Variants in KCND3 observed in about 807,000 individuals in gnomAD.
KCND3 encodes the protein potassium voltage-gated channel subfamily D member 3, also known as A-type voltage-gated potassium channel KCND3.
A neutral mutation model predicts 51.1 loss-of-function variants in KCND3; 9 were observed. That is an observed-to-expected ratio of 0.18 (90% CI 0.11 to 0.31). The LOEUF (loss-of-function observed/expected upper bound fraction) is 0.31, where lower values mean the gene tolerates loss of function less well. KCND3 is among the 10% of genes least tolerant of loss of function. KCND3 has a pLI of 1.00. For missense variants in KCND3, 526 were observed against 903.8 expected (o/e 0.58, Z 5.36); for synonymous variants, 349 against 368.0 (o/e 0.95, Z 0.59).
intron 1 of KCND3, among the ~76,000 whole-genome samples, chr1:111,984,002 C>T (rs933327690): frequency 2.6e-4 from 39 of 152,200 alleles, no homozygotes; most frequent in South Asian, 2.1e-4. Flanking sequence ...CGGAAACACA[C>T]GTAACAGAAA....
chr1:111,939,077 C>T (rs1014338020), intron 2 of KCND3, among the ~76,000 whole-genome samples: 15 of 152,300 alleles, frequency 9.8e-5, no homozygotes, highest in East Asian at 1.9e-4. Context: ...TCACTCAGAC[C>T]GTCTGAATCT....
intron 2 of KCND3, among the ~76,000 whole-genome samples, chr1:111,843,162 T>C (rs1667402660): frequency 6.6e-6 from 1 of 152,126 alleles, no homozygotes; most frequent in Admixed American, 6.5e-5. Flanking sequence ...CTGGGTTCTG[T>C]GGAGTGGATG....
intron 2 of KCND3, among the ~76,000 whole-genome samples, chr1:111,914,573 C>T (rs1325449024): frequency 6.6e-6 from 1 of 152,152 alleles, no homozygotes; most frequent in African/African-American, 2.4e-5. Context: ...GACAAAGTGG[C>T]AGACTCTTGT....
chr1:111,896,687 T>C (rs1670130235), intron 2 of KCND3, among the ~76,000 whole-genome samples: 1 of 152,228 alleles, frequency 6.6e-6, no homozygotes, highest in Non-Finnish European at 1.5e-5. Flanking sequence ...TTTAAAATGC[T>C]GTACAAACTC....
At chr1:111,818,808 C>G (rs1176618245) in intron 2 of KCND3, among the ~76,000 whole-genome samples, 1 of 152,152 alleles carries the variant, frequency 6.6e-6, no homozygotes, top group Admixed American at 6.5e-5. Context: ...GGAGTGCAAG[C>G]CACAGGTGCT....
chr1:111,855,603 T>C (rs1462386660), intron 2 of KCND3, among the ~76,000 whole-genome samples: 3 of 152,174 alleles, frequency 2.0e-5, no homozygotes, highest in Admixed American at 1.3e-4. Flanking sequence ...TTGGGGTACA[T>C]ATCCTTGGGG....
At chr1:111,918,935 G>A (rs1214575835) in intron 2 of KCND3, among the ~76,000 whole-genome samples, 1 of 151,902 alleles carries the variant, frequency 6.6e-6, no homozygotes, top group Admixed American at 6.6e-5. Flanking sequence ...CCCCTGTAGA[G>A]GGGAGGCAGC....
chr1:111,951,847 A>T (rs1455387712), intron 2 of KCND3, among the ~76,000 whole-genome samples: 1 of 152,228 alleles, frequency 6.6e-6, no homozygotes, highest in Non-Finnish European at 1.5e-5. Flanking sequence ...TTCCAAAGGA[A>T]CATCCAAGGT....
chr1:111,883,829 A>G (rs1368356552), intron 2 of KCND3, among the ~76,000 whole-genome samples: 1 of 152,236 alleles, frequency 6.6e-6, no homozygotes, highest in African/African-American at 2.4e-5. Context: ...AATAGCCACA[A>G]TATTGACTTA....
chr1:111,783,461 A>G (rs1413176059), intron 3 of KCND3, among the ~76,000 whole-genome samples: 1 of 152,200 alleles, frequency 6.6e-6, no homozygotes, highest in East Asian at 1.9e-4. Context: ...CTGCTACCCT[A>G]GGTACAGTTG....
At chr1:111,854,550 G>A (rs1336227560) in intron 2 of KCND3, among the ~76,000 whole-genome samples, 1 of 152,184 alleles carries the variant, frequency 6.6e-6, no homozygotes, top group Non-Finnish European at 1.5e-5. Context: ...GGGTCAGAGG[G>A]GCAAGGAAAG....
At position 111,982,292 on chromosome 1, in the gene KCND3, C is replaced by G; in HGVS notation, c.435G>C (p.Glu145Asp). 6.2e-7 allele frequency: 1 copy of G among 1,614,134 alleles called. No homozygotes were observed. Among genetic ancestry groups the G allele is most frequent in the South Asian group, 1.1e-5 (1 of 91,070 alleles). ...EYKDRKRENA[E>D]RLMDDNDSEN... ...CCGAGTCGTTGTCGTCCATGAGCCGCTCGGCGTTCTCCCTCTTGCGGTCCT... is the reference window on the plus strand; with the variant it reads ...CCGAGTCGTTGTCGTCCATGAGCCGGTCGGCGTTCTCCCTCTTGCGGTCCT... Residue 145 changes from glutamate (E) to aspartate (D), a missense_variant, in exon 2 of 8, where the codon GAG (glutamate) becomes GAC (aspartate). By Grantham distance (45) the Glu-to-Asp change is conservative (BLOSUM62 2). Coordinates refer to ENST00000302127, the MANE Select transcript of KCND3 (RefSeq NM_001378969.1). This position sits in a 1 kb window ranked among gnomAD's most constrained non-coding sequence, Gnocchi z 8.5.
Position 111,825,037 on chromosome 1 carries a change from AT to A in KCND3, c.1107-37932del, listed in dbSNP as rs541855392. Among the ~76,000 whole-genome samples the A allele has an allele frequency of 1.5e-3, 231 of 152,358 alleles. 2 individuals carry two copies. The highest frequency in any genetic ancestry group is 2.4e-3 in the Admixed American group (36 of 15,302). On this transcript the variant is annotated intron_variant, in intron 2 of 7. Transcript: ENST00000302127. ...ACATTTCAGTAACAGTGTTAAAGAT[AT>A]CCTAGCATCAAATTAAGACTTCTCT... is the stretch of plus-strand genomic sequence containing the variant.
At chr1:111,951,825 C>T (rs1673076675) in intron 2 of KCND3, among the ~76,000 whole-genome samples, 1 of 152,054 alleles carries the variant, frequency 6.6e-6, no homozygotes, top group Non-Finnish European at 1.5e-5. Flanking sequence ...TGAACTGAGA[C>T]CTAGGGAGAA....
intron 2 of KCND3, among the ~76,000 whole-genome samples, chr1:111,948,465 T>C (rs539805753): frequency 1.3e-5 from 2 of 152,308 alleles, no homozygotes; most frequent in East Asian, 3.9e-4. Context: ...CACTTAAGGA[T>C]AGAATTTATC....
chr1:111,772,020 A>G lies in KCND3; in HGVS notation c.*4057T>C. On this transcript the variant is annotated 3_prime_UTR_variant, in exon 8 of 8. Coordinates refer to ENST00000302127, the MANE Select transcript of KCND3 (RefSeq NM_001378969.1). ...TATAAGCAAGCCTCAGAGCAGTGCA[A>G]TATAATGTGGAGGAAAAATCCTAGG... is the stretch of plus-strand genomic sequence containing the variant. 1 of 152,220 alleles carries G rather than the reference A, an allele frequency of 6.6e-6. No homozygotes were observed. Among genetic ancestry groups the G allele is most frequent in the East Asian group, 1.9e-4 (1 of 5,204 alleles). 9.4% of individuals were successfully genotyped at this position (152,220 alleles called of 1,614,324 possible).
At chr1:111,858,924 C>T (rs1024258895) in intron 2 of KCND3, among the ~76,000 whole-genome samples, 36 of 152,216 alleles carry the variant, frequency 2.4e-4, no homozygotes, top group Non-Finnish European at 4.4e-4. Context: ...CTGGCATAAA[C>T]GCTTGGCTAA....
intron 2 of KCND3, among the ~76,000 whole-genome samples, chr1:111,923,343 C>T (rs1161303026): frequency 1.3e-5 from 2 of 152,190 alleles, no homozygotes; most frequent in Non-Finnish European, 2.9e-5. Context: ...ACAGTCATTA[C>T]TATCTGATTC....
At chr1:111,973,448 T>C (rs1182281441) in intron 2 of KCND3, among the ~76,000 whole-genome samples, 1 of 152,248 alleles carries the variant, frequency 6.6e-6, no homozygotes, top group African/African-American at 2.4e-5. Context: ...AAAGTTCTAC[T>C]GGGACTGATA....
Sources: allele counts gnomAD v4.1 joint callset (sites outside exome capture counted in the v4.1 genomes callset), GRCh38; gene constraint gnomAD v4.1.1; non-coding constraint Gnocchi (gnomAD v3.1); transcripts MANE v1.5; gene names NCBI Gene and HGNC (gene_info 2026-07-23, HGNC 2026-07-21).